Variants in MYLK observed in about 807,000 individuals in gnomAD.
The protein encoded by MYLK is myosin light chain kinase, smooth muscle.
A neutral mutation model predicts 203.4 loss-of-function variants in MYLK; 106 were observed. That is an observed-to-expected ratio of 0.52 (90% CI 0.45 to 0.61). The LOEUF (loss-of-function observed/expected upper bound fraction) is 0.61, where lower values mean the gene tolerates loss of function less well. Among genes scored for constraint, MYLK ranks in the 20% least tolerant of loss-of-function variants. The pLI is 0.00. For synonymous variants in MYLK, 867 were observed against 959.5 expected (o/e 0.90, Z 1.78); for missense variants, 2,072 against 2,442.3 (o/e 0.85, Z 3.20).
chr3:123,836,792 G>A (rs550909905), intron 2 of MYLK, among the ~76,000 whole-genome samples: 37 of 152,276 alleles, frequency 2.4e-4, no homozygotes, highest in African/African-American at 5.3e-4. Context: ...TGGGTCAGGC[G>A]TCCAAGGACA....
chr3:123,749,645 C>T (rs1030942492), intron 5 of MYLK, among the ~76,000 whole-genome samples: 2 of 152,184 alleles, frequency 1.3e-5, no homozygotes, highest in African/African-American at 4.8e-5. Flanking sequence ...TCTAAGGATG[C>T]TAATGCCAGT....
intron 24 of MYLK, among the ~76,000 whole-genome samples, chr3:123,655,487 G>A (rs1175266988): frequency 6.6e-6 from 1 of 152,134 alleles, no homozygotes; most frequent in Non-Finnish European, 1.5e-5. Context: ...CCTTTCTCCT[G>A]GGCTCTAGAC....
At chr3:123,687,676 TTTC>T (rs949609002) in intron 19 of MYLK, among the ~76,000 whole-genome samples, 1 of 151,550 alleles carries the variant, frequency 6.6e-6, no homozygotes, top group African/African-American at 2.4e-5. Context: ...CTTTTCTTCC[TTTC>T]TTCTTTTTTT....
chr3:123,784,384 T>TG (rs1254165628), intron 4 of MYLK, among the ~76,000 whole-genome samples: 1 of 147,508 alleles, frequency 6.8e-6, no homozygotes, highest in African/African-American at 2.5e-5. Flanking sequence ...TTCTTTTTTT[T>TG]TTTTTTTTTT....
chr3:123,673,268 T>A lies in MYLK; in HGVS notation c.3653-6081A>T, dbSNP rs565408628. Among the ~76,000 whole-genome samples the A allele has an allele frequency of 6.6e-5, 10 of 150,742 alleles. No homozygotes were observed. The East Asian group carries it at 2.0e-3, about 30-fold the overall frequency. On this transcript the variant is annotated intron_variant, in intron 20 of 33. Transcript: ENST00000360304. ...GCCTCGACCTGCTGGGCTAAAGTGA[T>A]CCTCATCTCAGCACCCACTCAGCTA...
In MYLK at chr3:123,701,419, A is replaced by G. The variant is rs372813937; in HGVS notation, c.2462+19T>C. ...GGATGGGGGCATGGCCTGGAGGGGC[A>G]GCTCCTGGGGGCACTCACCGTGGAA... On this transcript the variant is annotated intron_variant, in intron 17 of 33. Transcript: ENST00000360304. The G allele has an allele frequency of 8.7e-6, 14 of 1,613,370 alleles. No individual in the cohort carries two copies. Among genetic ancestry groups the G allele is most frequent in the Non-Finnish European group, 1.2e-5 (14 of 1,179,608 alleles).
chr3:123,777,677 G>A (rs1004462914), intron 4 of MYLK, among the ~76,000 whole-genome samples: 3 of 152,224 alleles, frequency 2.0e-5, no homozygotes, highest in Non-Finnish European at 4.4e-5. Context: ...AGGGTGTGGA[G>A]CAGACGATAG....
intron 4 of MYLK, among the ~76,000 whole-genome samples, chr3:123,784,376 C>CTTTTTTTTTTTTTTTTTTTTTTTT (rs576849217): frequency 1.3e-5 from 1 of 78,694 alleles, no homozygotes; most frequent in African/African-American, 4.8e-5. Flanking sequence ...GGTTGACTTT[C>CTTTTTTTTTTTTTTTTTTTTTTTT]TTTTTTTTTT....
chr3:123,718,321 A>G (rs1267348477), intron 13 of MYLK, among the ~76,000 whole-genome samples: 1 of 152,072 alleles, frequency 6.6e-6, no homozygotes, highest in African/African-American at 2.4e-5. Context: ...GCATGCTCCC[A>G]TGGCAGGCCT....
chr3:123,651,864 T>C (rs2059223281), intron 24 of MYLK, among the ~76,000 whole-genome samples: 1 of 152,228 alleles, frequency 6.6e-6, no homozygotes, highest in Non-Finnish European at 1.5e-5. Context: ...GCTAATGCTC[T>C]GGGGGAAGGA....
chr3:123,872,930 T>C (rs1471925987), intron 2 of MYLK, among the ~76,000 whole-genome samples: 2 of 152,134 alleles, frequency 1.3e-5, no homozygotes, highest in Non-Finnish European at 2.9e-5. Flanking sequence ...AATTACATGG[T>C]TGTTTCCTCT....
At position 123,695,457 on chromosome 3, in the gene MYLK, A is replaced by C. The variant is rs114966597; in HGVS notation, c.3449-2606T>G. Among the ~76,000 whole-genome samples the C allele has an allele frequency of 9.5e-3, 1,455 of 152,364 alleles. 22 individuals carry two copies. The highest frequency in any genetic ancestry group is 0.032 in the African/African-American group (1,324 of 41,580). On this transcript the variant is annotated intron_variant, in intron 18 of 33. Transcript: ENST00000360304. The stretch of plus-strand genomic sequence containing the variant: ...ATATTTGTCATTCTGAGAAGGATGA[A>C]GGCATATTTCTGTAGCAGGTGATCT...
rs761266023 is a variant in MYLK at position 123,626,842 on chromosome 3, C to G, written c.5214G>C (p.Lys1738Asn). 1.1e-5 allele frequency: 18 copies of G among 1,614,226 alleles called. No individual in the cohort carries two copies. Among genetic ancestry groups the G allele is most frequent in the Non-Finnish European group, 1.5e-5 (18 of 1,180,034 alleles). Residue 1738 changes from lysine (K) to asparagine (N), a missense_variant, in exon 31 of 34, where the codon AAG (lysine) becomes AAC (asparagine). This residue lies in a region of MYLK where 524 missense variants were observed against 782.4 expected (regional missense o/e 0.67). Transcript: ENST00000360304. Reference protein sequence around the residue: ...AKKLSKDRMKKYMARRKWQKT... With the variant: ...AKKLSKDRMKNYMARRKWQKT... The stretch of plus-strand genomic sequence containing the variant: ...CCTGCCATTTCCTTCTTGCCATGTA[C>G]TTCTTCATCCGGTCCTTGGAGAGTT...
intron 22 of MYLK, among the ~76,000 whole-genome samples, chr3:123,664,881 A>G (rs975423120): frequency 6.6e-6 from 1 of 152,228 alleles, no homozygotes; most frequent in East Asian, 1.9e-4. Flanking sequence ...AGAGAATGAC[A>G]TACTGTATGA....
intron 3 of MYLK, among the ~76,000 whole-genome samples, chr3:123,796,402 G>A (rs1350890163): frequency 6.6e-6 from 1 of 152,170 alleles, no homozygotes; most frequent in Non-Finnish European, 1.5e-5. Flanking sequence ...CTTGCCTCCT[G>A]TAAGCAGTCA....
intron 2 of MYLK, among the ~76,000 whole-genome samples, chr3:123,875,579 C>G (rs1454611767): frequency 6.6e-6 from 1 of 152,172 alleles, no homozygotes; most frequent in Non-Finnish European, 1.5e-5. Flanking sequence ...AAATTCAGAA[C>G]TGAACTTCCT....
chr3:123,713,123 G>A (rs1039113909), intron 13 of MYLK, among the ~76,000 whole-genome samples: 1 of 152,174 alleles, frequency 6.6e-6, no homozygotes, highest in Non-Finnish European at 1.5e-5. Flanking sequence ...GGGGGAAACC[G>A]GCCGATCGGC....
At chr3:123,785,501 A>G (rs1455567067) in intron 4 of MYLK, among the ~76,000 whole-genome samples, 4 of 152,228 alleles carry the variant, frequency 2.6e-5, no homozygotes, top group African/African-American at 4.8e-5. Context: ...GCATTCTACA[A>G]TGAAGATGAA....
intron 3 of MYLK, among the ~76,000 whole-genome samples, chr3:123,822,684 C>T (rs1305174379): frequency 4.6e-5 from 7 of 152,196 alleles, no homozygotes; most frequent in African/African-American, 1.7e-4. Flanking sequence ...CACATTTGTG[C>T]ATCTGTCCTA....
Sources: gnomAD v4.1 joint callset for allele counts (sites outside exome capture counted in the v4.1 genomes callset) on GRCh38, gnomAD v4.1.1 for gene constraint, gnomAD v4.1.1 regional missense constraint, MANE v1.5 for transcripts, NCBI Gene and HGNC (gene_info 2026-07-23, HGNC 2026-07-21) for gene names.